The following CACNA1E variants were observed in gnomAD, a reference collection of about 807,000 sequenced individuals.
CACNA1E encodes the protein calcium voltage-gated channel subunit alpha1 E.
A neutral mutation model predicts 259.2 loss-of-function variants in CACNA1E; 40 were observed. That is an observed-to-expected ratio of 0.15 (90% CI 0.12 to 0.20). The LOEUF is 0.20. CACNA1E is among the 10% of genes least tolerant of loss of function. The probability of loss-of-function intolerance (pLI) is 1.00; values close to 1 mark genes in which losing one functional copy is unlikely to be tolerated. For missense variants in CACNA1E, 1,874 were observed against 3,040.1 expected, an observed-to-expected ratio of 0.62 and a Z score of 9.02; for synonymous variants, 1,104 against 1,138.5, an observed-to-expected ratio of 0.97 and a Z score of 0.61.
chr1:181,738,197 T>A (rs1656239187), intron 23 of CACNA1E, among the ~76,000 whole-genome samples, 170 bp from the exon 24 acceptor site: 1 of 152,204 alleles, frequency 6.6e-6, no homozygotes, highest in African/African-American at 2.4e-5. Context: ...CTTCTGGCAT[T>A]TCTCTCTCAG....
intron 3 of CACNA1E, among the ~76,000 whole-genome samples, chr1:181,517,655 G>A (rs1666692444): frequency 6.6e-6 from 1 of 151,994 alleles, no homozygotes; most frequent in South Asian, 2.1e-4. Flanking sequence ...GCCAGGGAGT[G>A]CTGCAGTAAA....
intron 1 of CACNA1E, among the ~76,000 whole-genome samples, chr1:181,499,665 A>G (rs1665073573): frequency 6.6e-6 from 1 of 152,244 alleles, no homozygotes; most frequent in Non-Finnish European, 1.5e-5. Flanking sequence ...GCTGCACATT[A>G]GAATAAGCCT....
chr1:181,423,250 C>T lies in CACNA1E; in HGVS notation c.434+9670C>T, dbSNP rs189885770. Among the ~76,000 whole-genome samples, 579 of 152,306 alleles carry T rather than the reference C, an allele frequency of 3.8e-3. 8 individuals carry two copies. The highest frequency in any genetic ancestry group is 0.013 in the African/African-American group (536 of 41,566). On this transcript the variant is annotated intron_variant, in intron 2 of 11. Coordinates refer to the CACNA1E transcript ENST00000524607. The stretch of plus-strand genomic sequence containing the variant: ...GCTTGGGATCAGCTGTATACATCAA[C>T]GGACCACAGCAGCATGTGGGAGACT...
At chr1:181,423,378 A>G (rs1658906702) in intron 2 of CACNA1E, among the ~76,000 whole-genome samples, 1 of 152,186 alleles carries the variant, frequency 6.6e-6, no homozygotes, top group Admixed American at 6.5e-5. Context: ...TGCTTCATTT[A>G]CAGGTGAGGA....
chr1:181,657,916 G>A (rs1572511681), intron 7 of CACNA1E, among the ~76,000 whole-genome samples: 2 of 152,322 alleles, frequency 1.3e-5, no homozygotes. Flanking sequence ...AGACGTTACT[G>A]TCTCCAGCCA....
At chr1:181,596,359 G>A (rs980878307) in intron 6 of CACNA1E, among the ~76,000 whole-genome samples, 10 of 152,154 alleles carry the variant, frequency 6.6e-5, no homozygotes, top group Non-Finnish European at 1.3e-4. Context: ...GTTACCTACC[G>A]CACCTGGAAG....
At chr1:181,383,824 T>C (rs749509773) in intron 1 of CACNA1E, among the ~76,000 whole-genome samples, 14 of 152,158 alleles carry the variant, frequency 9.2e-5, no homozygotes, top group Non-Finnish European at 1.8e-4. Flanking sequence ...GCAAAAGGGA[T>C]GTGTGGCACC....
chr1:181,761,683 T>G (rs1658597260), intron 32 of CACNA1E, among the ~76,000 whole-genome samples: 1 of 152,238 alleles, frequency 6.6e-6, no homozygotes, highest in Non-Finnish European at 1.5e-5. Flanking sequence ...CAGACTGCCC[T>G]TTAAATGTCC....
chr1:181,696,856 T>C (rs1651760715), intron 7 of CACNA1E, among the ~76,000 whole-genome samples: 1 of 152,248 alleles, frequency 6.6e-6, no homozygotes, highest in African/African-American at 2.4e-5. Context: ...AGAATTTGAC[T>C]ATTTTATTTA....
chr1:181,749,421 A>G (rs1037231436), intron 25 of CACNA1E, among the ~76,000 whole-genome samples: 1 of 152,212 alleles, frequency 6.6e-6, no homozygotes, highest in African/African-American at 2.4e-5. Flanking sequence ...CTTCCAGCTC[A>G]GAAATTCACT....
chr1:181,708,122 G>A (rs990464732), intron 7 of CACNA1E, among the ~76,000 whole-genome samples: 10 of 152,330 alleles, frequency 6.6e-5, no homozygotes, highest in Non-Finnish European at 8.8e-5. Flanking sequence ...TGGGAAATGT[G>A]CTGTAGTTGA....
chr1:181,625,998 G>A (rs995371301), intron 6 of CACNA1E, among the ~76,000 whole-genome samples: 6 of 152,150 alleles, frequency 3.9e-5, no homozygotes, highest in African/African-American at 1.4e-4. Context: ...GGCCAAAAAA[G>A]AGGGACAGAA....
intron 1 of CACNA1E, among the ~76,000 whole-genome samples, chr1:181,411,487 A>C (rs972350891): frequency 1.3e-5 from 2 of 152,168 alleles, no homozygotes; most frequent in African/African-American, 4.8e-5. Context: ...TCTCATGCAC[A>C]TGCTCTTCCT....
chr1:181,652,744 T>C lies in CACNA1E; in HGVS notation c.1055+1303T>C, dbSNP rs139326095. On this transcript the variant is annotated intron_variant, in intron 7 of 47. Coordinates refer to ENST00000367573, the MANE Select transcript of CACNA1E (RefSeq NM_001205293.3). The stretch of plus-strand genomic sequence containing the variant: ...CCACCCCACTATAACCTCCAGGCAA[T>C]GCTGACAGATATCTGCTTCACCCAA... 5.3e-3 allele frequency among the ~76,000 whole-genome samples: 807 copies of C among 152,222 alleles called. 4 individuals carry two copies. Among genetic ancestry groups the C allele is most frequent in the Admixed American group, 0.01 (153 of 15,298 alleles).
At position 181,717,137 on chromosome 1, in the gene CACNA1E, G is replaced by A; in HGVS notation, c.1360G>A (p.Gly454Arg). The stretch of plus-strand genomic sequence containing the variant: ...CAGTATCAAAAGTGCAAAGGTAGAC[G>A]GGGTCTCTTATTTCCGGCACAAGGA... The part of the protein sequence containing the change: ...RASIKSAKVD[G>R]VSYFRHKERL... Residue 454 changes from glycine (G) to arginine (R), a missense_variant, in exon 11 of 48, where the codon GGG becomes AGG. Around this residue, in one of 14 missense-constraint regions of CACNA1E, gnomAD observed 157 missense variants for 203.5 expected, o/e 0.77. Transcript: ENST00000367573. 6.2e-7 allele frequency: 1 copy of A among 1,614,014 alleles called. No homozygotes were observed. Among genetic ancestry groups the A allele is most frequent in the Non-Finnish European group, 8.5e-7 (1 of 1,179,900 alleles).
At chr1:181,706,379 G>C (rs181051076) in intron 7 of CACNA1E, among the ~76,000 whole-genome samples, 1 of 152,204 alleles carries the variant, frequency 6.6e-6, no homozygotes, top group South Asian at 2.1e-4. Context: ...GCTTTGTTTC[G>C]CAGGTCTGGC....
intron 6 of CACNA1E, among the ~76,000 whole-genome samples, chr1:181,646,515 G>C (rs1658278951): frequency 6.6e-6 from 1 of 152,116 alleles, no homozygotes; most frequent in Non-Finnish European, 1.5e-5. Flanking sequence ...CTTACTCCCA[G>C]CCCCAACACA....
At chr1:181,685,143 A>C (rs1461640712) in intron 7 of CACNA1E, among the ~76,000 whole-genome samples, 1 of 150,830 alleles carries the variant, frequency 6.6e-6, no homozygotes, top group Non-Finnish European at 1.5e-5. Flanking sequence ...ACAAATGGAG[A>C]AGTTTTCCTC....
chr1:181,482,572 C>T (rs1044935899), upstream of CACNA1E, among the ~76,000 whole-genome samples: 2 of 152,250 alleles, frequency 1.3e-5, no homozygotes, highest in Non-Finnish European at 2.9e-5. Context: ...TCCCGCCTGG[C>T]CAGCTCCTCC....
Sources: gnomAD v4.1 joint callset for allele counts (sites outside exome capture counted in the v4.1 genomes callset) on GRCh38, gnomAD v4.1.1 for gene constraint, gnomAD v4.1.1 regional missense constraint, MANE v1.5 for transcripts, NCBI Gene and HGNC (gene_info 2026-07-23, HGNC 2026-07-21) for gene names.